FBXL17: variants seen among roughly 807,000 people sequenced by gnomAD.
The protein encoded by FBXL17 is F-box and leucine rich repeat protein 17.
FBXL17 carries 22 observed loss-of-function variants against 66.2 expected under a neutral mutation model. The ratio of observed to expected loss-of-function variants is 0.33; its 90% confidence interval spans 0.24 to 0.47. The LOEUF (loss-of-function observed/expected upper bound fraction) is 0.47, where lower values mean the gene tolerates loss of function less well. Ranked by LOEUF, FBXL17 falls within the 20% of genes least tolerant of loss-of-function variation. The pLI is 1.00. For missense variants in FBXL17, 878 were observed against 948.2 expected (o/e 0.93, Z 0.97); for synonymous variants, 474 against 400.5 (o/e 1.18, Z -2.19).
At chr5:107,875,911 G>A (rs1047898914) in intron 8 of FBXL17, among the ~76,000 whole-genome samples, 49 of 152,340 alleles carry the variant, frequency 3.2e-4, no homozygotes, top group African/African-American at 1.0e-3. Flanking sequence ...ACACAGAGGC[G>A]GCTCTCCTCC....
intron 6 of FBXL17, among the ~76,000 whole-genome samples, chr5:108,154,604 A>AT (rs547062771): frequency 0.035 from 2,536 of 72,530 alleles, 105 homozygotes; most frequent in South Asian, 0.16. Context: ...AAAAAAAAAA[A>AT]AAATATATAT....
rs116245685 is a variant in FBXL17 at position 108,116,107 on chromosome 5, T to G, written c.1745+70010A>C. Among the ~76,000 whole-genome samples the G allele has an allele frequency of 7.5e-3, 1,136 of 152,008 alleles. 15 individuals are homozygous for G. Among genetic ancestry groups the G allele is most frequent in the African/African-American group, 0.025 (1,029 of 41,464 alleles). ...GTGAACAAAATCCCCATAGAAAGAA[T>G]GTAGTAAACAAAAAAGAAAACAGAA... On this transcript the variant is annotated intron_variant, in intron 6 of 8. Coordinates refer to ENST00000542267, the MANE Select transcript of FBXL17 (RefSeq NM_001163315.3).
rs138658153 is a variant in FBXL17, at chr5:107,941,614, C to T, written c.1823-60435G>A. Among the ~76,000 whole-genome samples the T allele has an allele frequency of 7.8e-4, 119 of 152,182 alleles. No individual in the cohort carries two copies. In the East Asian group the frequency reaches 0.012, roughly 15 times the overall value. On this transcript the variant is annotated intron_variant, in intron 7 of 8. Coordinates refer to ENST00000542267, the MANE Select transcript of FBXL17 (RefSeq NM_001163315.3). ...ACGTTAAATAGGTTTAGGATGCTTC[C>T]CCAGAGAGTTTTAGTTCCATTAACA...
intron 6 of FBXL17, among the ~76,000 whole-genome samples, chr5:108,027,588 C>A (rs570370894): frequency 1.1e-3 from 169 of 152,084 alleles, no homozygotes; most frequent in African/African-American, 4.0e-3. Context: ...AATCAAAAGC[C>A]ACATTATTAT....
intron 7 of FBXL17, among the ~76,000 whole-genome samples, chr5:107,960,432 G>T (rs918677937): frequency 2.0e-5 from 3 of 152,076 alleles, no homozygotes; most frequent in African/African-American, 4.8e-5. Flanking sequence ...ACTGGAACTT[G>T]TATCTTTGAC....
chr5:108,299,044 G>T lies in FBXL17; in HGVS notation c.1506+49355C>A. 5 of 976,252 alleles carry T rather than the reference G, an allele frequency of 5.1e-6. No homozygotes were observed. The African/African-American group carries it at 8.8e-5, about 17-fold the overall frequency. 60.5% of individuals were successfully genotyped at this position (976,252 alleles called of 1,614,324 possible). A position where few individuals can be genotyped will look rare whatever the true frequency, so the allele number is the denominator to read the frequency against. ...CAATATGGATACCTCATTTTAACAT[G>T]AGTACATATCTGAACAAAAAAGCCC... On this transcript the variant is annotated intron_variant, in intron 4 of 8. Coordinates refer to ENST00000542267, the MANE Select transcript of FBXL17 (RefSeq NM_001163315.3).
chr5:108,114,293 G>A (rs1004096606), intron 6 of FBXL17, among the ~76,000 whole-genome samples: 1 of 152,062 alleles, frequency 6.6e-6, no homozygotes, highest in East Asian at 1.9e-4. Context: ...AAGTACTTCT[G>A]ATTTGTATCT....
chr5:108,266,975 G>T (rs562576340), intron 4 of FBXL17, among the ~76,000 whole-genome samples: 108 of 152,080 alleles, frequency 7.1e-4, no homozygotes, highest in African/African-American at 2.6e-3. Flanking sequence ...TTAGATTTTA[G>T]ATTTATTCTA....
rs576015972 is a variant in FBXL17 at position 108,050,832 on chromosome 5, G to C, written c.1746-29831C>G. On this transcript the variant is annotated intron_variant, in intron 6 of 8. Transcript: ENST00000542267. ...AGCTAGACTAATAAAGAAGAAAAGA[G>C]AGAAAAATCAAATCAAACAGAAAAA... Among the ~76,000 whole-genome samples, 30 of 149,774 alleles carry C rather than the reference G, an allele frequency of 2.0e-4. No homozygotes were observed. In the South Asian group the frequency reaches 6.0e-3, roughly 30 times the overall value.
At chr5:108,299,178 A>C (rs1171745745) in intron 4 of FBXL17, 93 of 984,534 alleles carry the variant, frequency 9.4e-5, no homozygotes, top group Non-Finnish European at 1.1e-4. Flanking sequence ...TTTTCTTTTA[A>C]ACAAATGGCA....
intron 6 of FBXL17, among the ~76,000 whole-genome samples, chr5:108,072,721 A>C (rs1748389590): frequency 6.6e-6 from 1 of 151,928 alleles, no homozygotes. Flanking sequence ...AAAAGAAAGT[A>C]CAGAAAGAAA....
At chr5:107,935,827 G>C (rs915796940) in intron 7 of FBXL17, among the ~76,000 whole-genome samples, 8 of 152,056 alleles carry the variant, frequency 5.3e-5, no homozygotes, top group African/African-American at 1.7e-4. Context: ...AAGCAATGGA[G>C]GGGAAGCAAA....
chr5:108,036,165 T>C (rs1002777083), intron 6 of FBXL17, among the ~76,000 whole-genome samples: 1 of 152,200 alleles, frequency 6.6e-6, no homozygotes, highest in African/African-American at 2.4e-5. Flanking sequence ...TGTTCAAATG[T>C]TGGCCCCATC....
intron 6 of FBXL17, among the ~76,000 whole-genome samples, chr5:108,050,372 C>T (rs1240493871): frequency 3.9e-5 from 6 of 152,114 alleles, no homozygotes; most frequent in African/African-American, 9.7e-5. Flanking sequence ...TCCTCTCAGA[C>T]CACAGTGCAA....
At chr5:107,994,390 TTG>T (rs145256145) in intron 7 of FBXL17, among the ~76,000 whole-genome samples, 9 of 151,448 alleles carry the variant, frequency 5.9e-5, no homozygotes, top group Admixed American at 2.0e-4. Flanking sequence ...TTTTAGTGTG[TTG>T]TGTGTGTGTG....
chr5:108,379,169 G>T (rs1749659331), intron 1 of FBXL17, among the ~76,000 whole-genome samples: 1 of 151,882 alleles, frequency 6.6e-6, no homozygotes, highest in South Asian at 2.1e-4. Flanking sequence ...TTTTTTCTCG[G>T]CATTAAAATG....
intron 4 of FBXL17, among the ~76,000 whole-genome samples, chr5:108,265,887 T>G (rs1757025607): frequency 6.6e-6 from 1 of 152,142 alleles, no homozygotes; most frequent in Non-Finnish European, 1.5e-5. Flanking sequence ...CTGCCCATCC[T>G]CAGATCACAC....
At chr5:108,227,409 C>A (rs1755146454) in intron 4 of FBXL17, among the ~76,000 whole-genome samples, 2 of 152,166 alleles carry the variant, frequency 1.3e-5, no homozygotes, top group Admixed American at 1.3e-4. Context: ...CTTCATGTTT[C>A]CCAAAGATGT....
chr5:108,296,568 G>T (rs1017784799), intron 4 of FBXL17, among the ~76,000 whole-genome samples: 36 of 151,708 alleles, frequency 2.4e-4, no homozygotes, highest in Non-Finnish European at 3.0e-5. Context: ...ATGTATGAGG[G>T]TTAAGACTTT....
Sources: gnomAD v4.1 joint callset for allele counts (sites outside exome capture counted in the v4.1 genomes callset) on GRCh38, gnomAD v4.1.1 for gene constraint, MANE v1.5 for transcripts, NCBI Gene and HGNC (gene_info 2026-07-23, HGNC 2026-07-21) for gene names.